The following PAX8 variants were observed in gnomAD, a reference collection of about 807,000 sequenced individuals.
PAX8 encodes paired box protein Pax-8.
PAX8 carries 15 observed loss-of-function variants against 52.4 expected under a neutral mutation model. The observed-to-expected ratio is 0.29, with a 90% CI of 0.19 to 0.44. PAX8 has a LOEUF of 0.44. Among genes scored for constraint, PAX8 ranks in the 20% least tolerant of loss-of-function variants. The probability of loss-of-function intolerance (pLI) is 1.00; values close to 1 mark genes in which losing one functional copy is unlikely to be tolerated. For synonymous variants in PAX8, 284 were observed against 249.7 expected, an observed-to-expected ratio of 1.14 and a Z score of -1.29; for missense variants, 554 against 602.5, an observed-to-expected ratio of 0.92 and a Z score of 0.84.
chr2:113,264,691 A>G (rs116249963), intron 2 of PAX8, among the ~76,000 whole-genome samples: 4 of 152,188 alleles, frequency 2.6e-5, no homozygotes, highest in African/African-American at 9.7e-5. Flanking sequence ...ATTTGTTGGA[A>G]CAAGTACTGA....
At chr2:113,255,865 G>A (rs1185923327) in intron 2 of PAX8, among the ~76,000 whole-genome samples, 1 of 152,164 alleles carries the variant, frequency 6.6e-6, no homozygotes. Context: ...TAGGGAGGCA[G>A]AGGGTTAGCA....
chr2:113,258,091 G>A (rs1299937413), intron 2 of PAX8, among the ~76,000 whole-genome samples: 1 of 152,154 alleles, frequency 6.6e-6, no homozygotes, highest in South Asian at 2.1e-4. Context: ...GCCAGACCCC[G>A]CCCTAAGAGC....
At chr2:113,271,976 GC>G (rs1693488796) in intron 2 of PAX8, 1 of 152,044 alleles carries the variant, frequency 6.6e-6, no homozygotes, top group Non-Finnish European at 1.5e-5. Flanking sequence ...TGCCAGGTAT[GC>G]TCAGCTCTTG....
chr2:113,255,521 A>G (rs561778851), intron 2 of PAX8: 1 of 152,538 alleles, frequency 6.6e-6, no homozygotes, highest in Admixed American at 6.5e-5. Flanking sequence ...TGGCTCACAT[A>G]TCAGATCTTC....
At chr2:113,234,679 C>A (rs1690133626) in intron 9 of PAX8, among the ~76,000 whole-genome samples, 1 of 152,122 alleles carries the variant, frequency 6.6e-6, no homozygotes, top group Non-Finnish European at 1.5e-5. Context: ...TGCCACCACA[C>A]CCCCTAATTT....
At chr2:113,256,616 GTATA>G (rs1442506978) in intron 2 of PAX8, among the ~76,000 whole-genome samples, 7 of 69,700 alleles carry the variant, frequency 1.0e-4, no homozygotes, top group African/African-American at 2.3e-4. Flanking sequence ...ATGTGTGTGT[GTATA>G]TATATATATA....
At chr2:113,261,638 A>G (rs376058009) in intron 2 of PAX8, among the ~76,000 whole-genome samples, 1 of 152,292 alleles carries the variant, frequency 6.6e-6, no homozygotes, top group South Asian at 2.1e-4. Flanking sequence ...TGAGCTGTCT[A>G]ATGTCACAGA....
chr2:113,223,360 T>C (rs182823109), intron 10 of PAX8, among the ~76,000 whole-genome samples: 1 of 152,288 alleles, frequency 6.6e-6, no homozygotes, highest in East Asian at 1.9e-4. Flanking sequence ...GGTCTCTTTT[T>C]CCCTCCTTCA....
intron 10 of PAX8, among the ~76,000 whole-genome samples, chr2:113,222,917 C>G (rs1479535775): frequency 6.6e-6 from 1 of 151,892 alleles, no homozygotes; most frequent in Non-Finnish European, 1.5e-5. Context: ...GCCCAGTCTT[C>G]TGTTTGCTTT....
intron 2 of PAX8, among the ~76,000 whole-genome samples, chr2:113,249,611 A>T (rs1360793871): frequency 6.6e-6 from 1 of 152,106 alleles, no homozygotes; most frequent in Non-Finnish European, 1.5e-5. Context: ...ACGACGCTGT[A>T]AGTTGTGTGG....
Position 113,235,464 on chromosome 2 carries a change from G to A in PAX8, c.1017C>T (p.Val339=). 1 of 1,612,522 alleles carries A rather than the reference G, an allele frequency of 6.2e-7. No homozygotes were observed. The highest frequency in any genetic ancestry group is 8.5e-7 in the Non-Finnish European group (1 of 1,179,236). Residue 339 remains valine (V), a synonymous_variant, in exon 9 of 12, where the codon GTC becomes GTT. Coordinates refer to ENST00000429538, the MANE Select transcript of PAX8 (RefSeq NM_003466.4). ...CATGGGGAAAGGCATTGAAGGGCGGGACCCCGGAGCCGACTTGCTGCAGAT... is the reference window on the plus strand; with the variant it reads ...CATGGGGAAAGGCATTGAAGGGCGGAACCCCGGAGCCGACTTGCTGCAGAT... The part of the protein sequence containing the change: ...FLDLQQVGSG[V]PPFNAFPHAA...
intron 10 of PAX8, chr2:113,226,657 A>G (rs1558688021): frequency 5.5e-6 from 6 of 1,092,838 alleles, no homozygotes; most frequent in Non-Finnish European, 5.6e-6. Context: ...TTTCATCATC[A>G]TCATCGTCAT....
intron 2 of PAX8, chr2:113,274,434 A>G (rs1038499479): frequency 6.6e-6 from 1 of 152,232 alleles, no homozygotes; most frequent in Non-Finnish European, 1.5e-5. Flanking sequence ...CTTATATTGA[A>G]TGGCAAAGGT....
intron 2 of PAX8, among the ~76,000 whole-genome samples, chr2:113,258,928 A>G (rs1164345347): frequency 6.6e-6 from 1 of 152,126 alleles, no homozygotes; most frequent in Admixed American, 6.6e-5. Context: ...ATAGACCTCT[A>G]AGCTCCTTAA....
At chr2:113,249,960 C>T (rs184690301) in intron 2 of PAX8, among the ~76,000 whole-genome samples, 1 of 152,104 alleles carries the variant, frequency 6.6e-6, no homozygotes, top group East Asian at 1.9e-4. Flanking sequence ...CTGCTGCTGA[C>T]TTAAACCCCT....
intron 4 of PAX8, 41 bp downstream of exon 4, chr2:113,244,386 A>C (rs1691138293): frequency 2.7e-6 from 4 of 1,487,972 alleles, no homozygotes; most frequent in African/African-American, 1.4e-5. Flanking sequence ...CCCAAAGCCC[A>C]GGGGCCCCAG....
intron 8 of PAX8, 162 bp from the exon 9 acceptor site, chr2:113,235,744 G>T: frequency 1.7e-6 from 1 of 597,820 alleles, no homozygotes; most frequent in Non-Finnish European, 2.9e-6. Flanking sequence ...CACGAGGCGT[G>T]GCAAGGCGGG....
intron 2 of PAX8, among the ~76,000 whole-genome samples, chr2:113,262,084 C>T (rs1692726756): frequency 6.6e-6 from 1 of 152,194 alleles, no homozygotes; most frequent in Non-Finnish European, 1.5e-5. Context: ...CCTGCCTCGG[C>T]CTCCCAAAGT....
intron 7 of PAX8, chr2:113,239,956 TTCCC>T (rs568731267): frequency 8.5e-5 from 13 of 152,302 alleles, no homozygotes; most frequent in African/African-American, 3.1e-4. Flanking sequence ...CATTCCAGGA[TTCCC>T]CATGTTCATA....
Sources: allele counts gnomAD v4.1 joint callset (sites outside exome capture counted in the v4.1 genomes callset), GRCh38; gene constraint gnomAD v4.1.1; transcripts MANE v1.5; gene names NCBI Gene and HGNC (gene_info 2026-07-23, HGNC 2026-07-21).